Variants in OR2B11 observed in about 807,000 individuals in gnomAD.
OR2B11 encodes the protein olfactory receptor 2B11.
For missense variants in OR2B11, 422 were observed against 400.0 expected (o/e 1.05, Z -0.47); for synonymous variants, 198 against 174.5 (o/e 1.13, Z -1.06).
chr1:247,451,901 C>G lies in OR2B11; in HGVS notation c.82G>C (p.Glu28Gln). 6.2e-7 allele frequency: 1 copy of G among 1,614,068 alleles called. No homozygotes were observed. The highest frequency in any genetic ancestry group is 8.5e-7 in the Non-Finnish European group (1 of 1,180,010). ...LLGVSDRPWL[E>Q]LPLFVVLLLS... ...AGGAGGACCACAAAGAGAGGGAGTTCCAGCCACGGCCTGTCAGACACACCC... is the reference window on the plus strand; with the variant it reads ...AGGAGGACCACAAAGAGAGGGAGTTGCAGCCACGGCCTGTCAGACACACCC... Residue 28 changes from glutamate (E) to glutamine (Q), a missense_variant, in exon 2 of 2, where the codon GAA becomes CAA. Coordinates refer to ENST00000641149, the MANE Select transcript of OR2B11 (RefSeq NM_001004492.2).
intron 1 of OR2B11, among the ~76,000 whole-genome samples, chr1:247,456,494 G>A (rs960611456): frequency 1.3e-5 from 2 of 151,892 alleles, no homozygotes; most frequent in Non-Finnish European, 1.5e-5. Flanking sequence ...CTGTAAACCT[G>A]AAAAATATTA....
intron 1 of OR2B11, 104 bp downstream of exon 1, chr1:247,457,535 T>A: frequency 6.6e-6 from 1 of 152,432 alleles, no homozygotes; most frequent in South Asian, 2.1e-4. Flanking sequence ...CCACCTCATG[T>A]GCCCTTGGTC....
In OR2B11 at chr1:247,451,122, G is replaced by A. The variant is rs777506166; in HGVS notation, c.861C>T (p.Pro287=). ...GGGTGTAGGTGAAGGGATTGAGAGTGGGGGTGATTATGGAATAGAAGAGAG... is the reference window on the plus strand; with the variant it reads ...GGGTGTAGGTGAAGGGATTGAGAGTAGGGGTGATTATGGAATAGAAGAGAG... ...FISLFYSIIT[P]TLNPFTYTLR... is the part of the protein sequence containing the mutation. Residue 287 remains proline (P), a synonymous_variant, in exon 2 of 2, where the codon CCC becomes CCT. Transcript: ENST00000641149. 5.9e-6 allele frequency: 9 copies of A among 1,522,556 alleles called. No individual in the cohort carries two copies. The highest frequency in any genetic ancestry group is 7.9e-6 in the Non-Finnish European group (9 of 1,134,838). 94.3% of individuals were successfully genotyped at this position (1,522,556 alleles called of 1,614,324 possible).
Position 247,451,115 on chromosome 1 carries a change from T to G in OR2B11, c.868A>C (p.Asn290His), listed in dbSNP as rs77553834. 1,395 of 1,516,876 alleles carry G rather than the reference T, an allele frequency of 9.2e-4. 10 individuals carry two copies. In the African/African-American group the frequency reaches 0.017, roughly 18 times the overall value. 94.0% of individuals were successfully genotyped at this position (1,516,876 alleles called of 1,614,324 possible). A position where few individuals can be genotyped will look rare whatever the true frequency, so the allele number is the denominator to read the frequency against. The change falls in exon 2 of 2, where the codon AAT (asparagine) becomes CAT (histidine). Residue 290 changes from asparagine (N) to histidine (H), a missense_variant. Coordinates refer to ENST00000641149, the MANE Select transcript of OR2B11 (RefSeq NM_001004492.2). Reference sequence around the variant, plus strand: ...TTTCTCAGGGTGTAGGTGAAGGGATTGAGAGTGGGGGTGATTATGGAATAG... The same window carrying G: ...TTTCTCAGGGTGTAGGTGAAGGGATGGAGAGTGGGGGTGATTATGGAATAG... The part of the protein sequence containing the change: ...LFYSIITPTL[N>H]PFTYTLRNKD...
chr1:247,451,233 C>T lies in OR2B11; in HGVS notation c.750G>A (p.Met250Ile), dbSNP rs1488814790. The change falls in exon 2 of 2, where the codon ATG becomes ATA. Residue 250 changes from methionine (M) to isoleucine (I), a missense_variant. Met to Ile is a conservative substitution (Grantham distance 10). Transcript: ENST00000641149. The part of the protein sequence containing the change: ...KAFGTCSSHL[M>I]IVSLFYLPAI... The stretch of plus-strand genomic sequence containing the variant: ...CAGGTAGGTAGAAGAGGGAGACGAT[C>T]ATCAGGTGGGAGGAACACGTCCCAA... The T allele has an allele frequency of 1.2e-6, 2 of 1,602,354 alleles. No homozygotes were observed. The highest frequency in any genetic ancestry group is 1.7e-6 in the Non-Finnish European group (2 of 1,171,420).
At chr1:247,457,305 T>C (rs1337592876) in intron 1 of OR2B11, among the ~76,000 whole-genome samples, 1 of 152,114 alleles carries the variant, frequency 6.6e-6, no homozygotes, top group Non-Finnish European at 1.5e-5. Context: ...GTGACTGTGA[T>C]TCAGCAGCCT....
chr1:247,455,824 C>T (rs1422875965), intron 1 of OR2B11, among the ~76,000 whole-genome samples: 3 of 152,276 alleles, frequency 2.0e-5, no homozygotes, highest in Middle Eastern at 3.4e-3. Context: ...CTTCATGTCC[C>T]ACCTCTGGTT....
chr1:247,456,512 C>T (rs1218460535), intron 1 of OR2B11, among the ~76,000 whole-genome samples: 4 of 152,120 alleles, frequency 2.6e-5, no homozygotes, highest in South Asian at 2.1e-4. Flanking sequence ...TTAAAGACCT[C>T]GCCTAATGGA....
chr1:247,449,929 C>T lies in OR2B11; in HGVS notation c.*1100G>A, dbSNP rs1664800499. The stretch of plus-strand genomic sequence containing the variant: ...AAACTGGCCAGGTTGCTGAGAATGC[C>T]ATTATTTCATTCCTTTTTATGGCTG... On this transcript the variant is annotated 3_prime_UTR_variant, in exon 2 of 2. Coordinates refer to ENST00000641149, the MANE Select transcript of OR2B11 (RefSeq NM_001004492.2). 6.6e-6 allele frequency: 1 copy of T among 152,302 alleles called. No individual in the cohort carries two copies. The highest frequency in any genetic ancestry group is 1.9e-4 in the East Asian group (1 of 5,186). 9.4% of individuals were successfully genotyped at this position (152,302 alleles called of 1,614,324 possible).
intron 1 of OR2B11, among the ~76,000 whole-genome samples, chr1:247,455,617 G>C (rs1487260276): frequency 6.6e-6 from 1 of 152,028 alleles, no homozygotes; most frequent in Admixed American, 6.5e-5. Context: ...CTGGCACAGG[G>C]GCTTGAGAGC....
intron 1 of OR2B11, among the ~76,000 whole-genome samples, chr1:247,457,035 G>C (rs897937075): frequency 9.2e-5 from 14 of 151,360 alleles, no homozygotes; most frequent in Non-Finnish European, 1.5e-5. Flanking sequence ...GGAAGAGGAG[G>C]AGAAGGAGCT....
Position 247,449,320 on chromosome 1 carries a change from GC to G in OR2B11, c.*1708del, listed in dbSNP as rs1383518099. The G allele has an allele frequency of 6.6e-6, 1 of 151,298 alleles. No homozygotes were observed. Among genetic ancestry groups the G allele is most frequent in the Admixed American group, 6.6e-5 (1 of 15,202 alleles). 9.4% of individuals were successfully genotyped at this position (151,298 alleles called of 1,614,324 possible). On this transcript the variant is annotated 3_prime_UTR_variant, in exon 2 of 2. Coordinates refer to ENST00000641149, the MANE Select transcript of OR2B11 (RefSeq NM_001004492.2). ...GAAAGGTTTGAGAGTATCAGAGCCT[GC>G]GCTCCTAACTAGAAGTATTATGTAG... is the stretch of plus-strand genomic sequence containing the variant.
rs1482426831 is a variant in OR2B11 at position 247,452,477 on chromosome 1, CA to C, written c.-496del. ...TTGGGAGGTAGTGGTAGGAGGGAGG[CA>C]GGCGGTGACATAAAGCAAGCAGAAG... On this transcript the variant is annotated 5_prime_UTR_variant, in exon 2 of 2. The change abolishes the stop of an existing upstream ORF in the 5' untranslated region. Transcript: ENST00000641149. The C allele has an allele frequency of 6.2e-6, 1 of 161,460 alleles. No homozygotes were observed. The highest frequency in any genetic ancestry group is 1.4e-5 in the Non-Finnish European group (1 of 72,984). 10.0% of individuals were successfully genotyped at this position (161,460 alleles called of 1,614,324 possible).
In OR2B11 at chr1:247,452,911, T is replaced by C. The variant is rs1664881412; in HGVS notation, c.-929A>G. The C allele has an allele frequency of 1.3e-5, 2 of 152,136 alleles. No homozygotes were observed. The highest frequency in any genetic ancestry group is 1.3e-4 in the Admixed American group (2 of 15,260). 9.4% of individuals were successfully genotyped at this position (152,136 alleles called of 1,614,324 possible). A position where few individuals can be genotyped will look rare whatever the true frequency, so the allele number is the denominator to read the frequency against. On this transcript the variant is annotated 5_prime_UTR_variant, in exon 2 of 2. Transcript: ENST00000641149. ...GCACAATTTCTTTGCCGAGCAGCTGTCACCTCTCAGTGATAGAAAACAGCC... is the reference window on the plus strand; with the variant it reads ...GCACAATTTCTTTGCCGAGCAGCTGCCACCTCTCAGTGATAGAAAACAGCC...
Position 247,449,300 on chromosome 1 carries a change from G to T in OR2B11, c.*1729C>A, listed in dbSNP as rs1664786172. The T allele has an allele frequency of 1.3e-5, 2 of 150,862 alleles. No individual in the cohort carries two copies. Among genetic ancestry groups the T allele is most frequent in the Admixed American group, 6.6e-5 (1 of 15,156 alleles). 9.3% of individuals were successfully genotyped at this position (150,862 alleles called of 1,614,324 possible). ...GAGATTGAAAATCGTGGAGGGAAAGGTTTGAGAGTATCAGAGCCTGCGCTC... is the reference window on the plus strand; with the variant it reads ...GAGATTGAAAATCGTGGAGGGAAAGTTTTGAGAGTATCAGAGCCTGCGCTC... On this transcript the variant is annotated 3_prime_UTR_variant, in exon 2 of 2. Coordinates refer to ENST00000641149, the MANE Select transcript of OR2B11 (RefSeq NM_001004492.2).
Position 247,451,336 on chromosome 1 carries a change from G to T in OR2B11, c.647C>A (p.Ala216Asp). 6.2e-7 allele frequency: 1 copy of T among 1,614,082 alleles called. No homozygotes were observed. Among genetic ancestry groups the T allele is most frequent in the African/African-American group, 1.3e-5 (1 of 75,032 alleles). The change falls in exon 2 of 2, where the codon GCT becomes GAT. Residue 216 changes from alanine (A) to aspartate (D), a missense_variant. Ala to Asp is a moderately radical substitution (Grantham distance 126, BLOSUM62 -2). Transcript: ENST00000641149. ...LVAFFVLVPL[A>D]LILLSYGFIA... is the part of the protein sequence containing the mutation. ...AAAGCCATAGGAGAGAAGGATGAGA[G>T]CCAGGGGCACCAACACGAAGAAGGC...
chr1:247,456,245 G>A (rs999724502), intron 1 of OR2B11, among the ~76,000 whole-genome samples: 1 of 152,210 alleles, frequency 6.6e-6, no homozygotes, highest in African/African-American at 2.4e-5. Flanking sequence ...TTCCTCATAA[G>A]CCTCTGGATG....
chr1:247,456,972 G>A (rs1649799312), intron 1 of OR2B11, among the ~76,000 whole-genome samples: 1 of 152,176 alleles, frequency 6.6e-6, no homozygotes, highest in Admixed American at 6.5e-5. Context: ...TATTCTGGAG[G>A]TAGGTAGAGT....
rs1664936983 is a variant in OR2B11 at position 247,455,008 on chromosome 1, G to A, written c.-3026C>T. 1 of 152,228 alleles carries A rather than the reference G, an allele frequency of 6.6e-6. No homozygotes were observed. The highest frequency in any genetic ancestry group is 1.5e-5 in the Non-Finnish European group (1 of 68,052). The allele number at this position is 152,228 out of a possible 1,614,324, so 9.4% of individuals were successfully genotyped here. A position where few individuals can be genotyped will look rare whatever the true frequency, so the allele number is the denominator to read the frequency against. The stretch of plus-strand genomic sequence containing the variant: ...CCCGCAGTTTCTTCTGGGGGCTGCT[G>A]GCAGGCTAGGCTGTGAACACGCAGG... On this transcript the variant is annotated 5_prime_UTR_variant, in exon 2 of 2. Transcript: ENST00000641149.
Sources: allele counts gnomAD v4.1 joint callset (sites outside exome capture counted in the v4.1 genomes callset), GRCh38; gene constraint gnomAD v4.1.1; transcripts MANE v1.5; gene names NCBI Gene and HGNC (gene_info 2026-07-23, HGNC 2026-07-21).